The following ZNF827 variants were observed in gnomAD, a reference collection of about 807,000 sequenced individuals.
ZNF827 encodes the protein zinc finger protein 827.
A neutral mutation model predicts 102.4 loss-of-function variants in ZNF827; 13 were observed. That is an observed-to-expected ratio of 0.13 (90% confidence interval 0.08 to 0.20). ZNF827 has a LOEUF of 0.20. ZNF827 is among the 10% of genes least tolerant of loss of function. The probability of loss-of-function intolerance (pLI) is 1.00; values close to 1 mark genes in which losing one functional copy is unlikely to be tolerated. For synonymous variants in ZNF827, 523 were observed against 536.2 expected, an observed-to-expected ratio of 0.98 and a Z score of 0.34; for missense variants, 1,103 against 1,344.4, an observed-to-expected ratio of 0.82 and a Z score of 2.81.
chr4:145,790,412 ACT>A (rs1244045879), intron 8 of ZNF827, among the ~76,000 whole-genome samples: 7 of 152,182 alleles, frequency 4.6e-5, no homozygotes, highest in African/African-American at 1.4e-4. Flanking sequence ...TTCTAGAAAT[ACT>A]CTGAGTTTAG....
At chr4:145,924,023 T>C (rs1019012240) in intron 1 of ZNF827, among the ~76,000 whole-genome samples, 7 of 152,164 alleles carry the variant, frequency 4.6e-5, no homozygotes, top group Non-Finnish European at 7.3e-5. Flanking sequence ...AAAGCAAACA[T>C]CCATTGTGGT....
At chr4:145,845,326 C>T (rs548130513) in intron 7 of ZNF827, among the ~76,000 whole-genome samples, 6 of 152,314 alleles carry the variant, frequency 3.9e-5, no homozygotes, top group South Asian at 4.1e-4. Context: ...GGCAGATGGA[C>T]GGTGGGCAGC....
chr4:145,813,811 C>T (rs1475796501), intron 8 of ZNF827, among the ~76,000 whole-genome samples: 1 of 152,136 alleles, frequency 6.6e-6, no homozygotes, highest in Admixed American at 6.5e-5. Context: ...GAGGGGGTGA[C>T]ACTGGAGACA....
rs917686329 is a variant in ZNF827 at position 145,938,510 on chromosome 4, G to GGGGC, written c.-107_-104dup. 3.8e-5 allele frequency: 12 copies of GGGGC among 312,832 alleles called. No individual in the cohort carries two copies. Among genetic ancestry groups the GGGGC allele is most frequent in the Admixed American group, 9.7e-5 (3 of 31,060 alleles). The allele number at this position is 312,832 out of a possible 1,614,324, so 19.4% of individuals were successfully genotyped here. ...CTGGCAGGAGCGGGGAGGTAGTTGG[G>GGGGC]GGGCGGGCGGGCGGGCAGGGGGAAA... On this transcript the variant is annotated 5_prime_UTR_variant, in exon 1 of 15. Coordinates refer to ENST00000508784, the MANE Select transcript of ZNF827 (RefSeq NM_001306215.2).
intron 3 of ZNF827, 23 bp from the exon 4 acceptor site, chr4:145,886,181 G>C: frequency 6.4e-7 from 1 of 1,562,538 alleles, no homozygotes; most frequent in Non-Finnish European, 8.6e-7. Flanking sequence ...CAAGAAGAAT[G>C]AGCTAGCCAC....
chr4:145,929,298 T>C (rs1369105015), intron 1 of ZNF827, among the ~76,000 whole-genome samples: 1 of 152,228 alleles, frequency 6.6e-6, no homozygotes, highest in Admixed American at 6.6e-5. Context: ...GAACACCTAA[T>C]ATAAATTTCG....
chr4:145,901,228 T>C (rs1473692519), intron 2 of ZNF827, among the ~76,000 whole-genome samples: 1 of 152,202 alleles, frequency 6.6e-6, no homozygotes, highest in East Asian at 1.9e-4. Flanking sequence ...CCGATGAGGA[T>C]GCACATAGCC....
chr4:145,895,846 G>A (rs760199846), intron 2 of ZNF827, among the ~76,000 whole-genome samples: 2 of 152,060 alleles, frequency 1.3e-5, no homozygotes, highest in Non-Finnish European at 2.9e-5. Context: ...AAGGAAAGAG[G>A]ACCACTTCCT....
intron 1 of ZNF827, among the ~76,000 whole-genome samples, chr4:145,919,680 T>A (rs918517105): frequency 1.3e-5 from 2 of 152,212 alleles, no homozygotes; most frequent in Non-Finnish European, 2.9e-5. Context: ...CCATCATCCA[T>A]AAAGTAGGGT....
At chr4:145,818,424 G>A (rs1251335745) in intron 8 of ZNF827, among the ~76,000 whole-genome samples, 1 of 152,240 alleles carries the variant, frequency 6.6e-6, no homozygotes, top group Non-Finnish European at 1.5e-5. Context: ...AATTAAAAAT[G>A]AGATGACATA....
intron 8 of ZNF827, among the ~76,000 whole-genome samples, chr4:145,781,195 CAAAAAAAAAAAAAAAAAAAA>C (rs10605153): frequency 1.8e-5 from 1 of 56,546 alleles, no homozygotes; most frequent in Non-Finnish European, 2.8e-5. Flanking sequence ...GACACCATCT[CAAAAAAAAAAAAAAAAAAAA>C]AAGAAAAAAA....
intron 7 of ZNF827, among the ~76,000 whole-genome samples, chr4:145,838,220 G>A (rs983890748): frequency 6.6e-6 from 1 of 152,090 alleles, no homozygotes; most frequent in Non-Finnish European, 1.5e-5. Context: ...GCTGGTCCTT[G>A]CCTTAACTGA....
chr4:145,836,694 C>A (rs902901163), intron 7 of ZNF827, among the ~76,000 whole-genome samples: 2 of 151,990 alleles, frequency 1.3e-5, no homozygotes, highest in Non-Finnish European at 2.9e-5. Context: ...AAATTTCCTT[C>A]TTTCCTGTTC....
chr4:145,779,625 T>C (rs958267233), intron 8 of ZNF827, 114 bp from the exon 9 acceptor site: 14 of 1,393,770 alleles, frequency 1.0e-5, no homozygotes, highest in Non-Finnish European at 1.3e-5. Flanking sequence ...GGCTAGTAAT[T>C]GCAAATGAGT....
At chr4:145,872,299 T>C (rs1748760794) in intron 4 of ZNF827, among the ~76,000 whole-genome samples, 1 of 151,920 alleles carries the variant, frequency 6.6e-6, no homozygotes, top group South Asian at 2.1e-4. Context: ...ACTGGTTCCA[T>C]TAAAGAACCA....
chr4:145,877,997 G>A (rs1749298928), intron 4 of ZNF827, among the ~76,000 whole-genome samples: 1 of 152,166 alleles, frequency 6.6e-6, no homozygotes, highest in South Asian at 2.1e-4. Context: ...CTGAAGACTG[G>A]ATAATATATT....
chr4:145,917,505 T>C (rs1278310463), intron 1 of ZNF827, among the ~76,000 whole-genome samples: 2 of 151,968 alleles, frequency 1.3e-5, no homozygotes, highest in Admixed American at 6.6e-5. Flanking sequence ...CCACAGCTTC[T>C]TAAAGTCCCT....
intron 11 of ZNF827, among the ~76,000 whole-genome samples, chr4:145,767,982 G>T (rs1042229071): frequency 6.6e-6 from 1 of 152,122 alleles, no homozygotes; most frequent in African/African-American, 2.4e-5. Flanking sequence ...GTCTTTAAAA[G>T]ATAAAAGTAA....
At chr4:145,896,019 T>G (rs1444644335) in intron 2 of ZNF827, among the ~76,000 whole-genome samples, 1 of 152,220 alleles carries the variant, frequency 6.6e-6, no homozygotes, top group Non-Finnish European at 1.5e-5. Flanking sequence ...ACAAGTGGGA[T>G]GAACAGCTGC....
Sources: gnomAD v4.1 joint callset for allele counts (sites outside exome capture counted in the v4.1 genomes callset) on GRCh38, gnomAD v4.1.1 for gene constraint, MANE v1.5 for transcripts, NCBI Gene and HGNC (gene_info 2026-07-23, HGNC 2026-07-21) for gene names.